RPAP3: variants seen among roughly 807,000 people sequenced by gnomAD.
The protein encoded by RPAP3 is RNA polymerase II-associated protein 3.
RPAP3 carries 58 observed loss-of-function variants against 88.8 expected under a neutral mutation model. That is an observed-to-expected ratio of 0.65 (90% CI 0.53 to 0.81). The LOEUF (loss-of-function observed/expected upper bound fraction) is 0.81. Among genes scored for constraint, RPAP3 ranks in the 40% least tolerant of loss-of-function variants. The pLI, the probability that RPAP3 is intolerant of heterozygous loss-of-function variation, is 0.00. For missense variants in RPAP3, 751 were observed against 764.3 expected, an observed-to-expected ratio of 0.98 and a Z score of 0.20; for synonymous variants, 255 against 259.9, an observed-to-expected ratio of 0.98 and a Z score of 0.18.
chr12:47,686,725 C>G, intron 9 of RPAP3, 55 bp downstream of exon 9: 1 of 1,337,260 alleles, frequency 7.5e-7, no homozygotes, highest in African/African-American at 1.5e-5. Context: ...TAAAAATTTA[C>G]CAATTTATTG....
chr12:47,690,579 C>T lies in RPAP3; in HGVS notation c.606G>A (p.Lys202=), dbSNP rs776478652. 1 of 1,601,110 alleles carries T rather than the reference C, an allele frequency of 6.2e-7. No individual in the cohort carries two copies. The highest frequency in any genetic ancestry group is 8.5e-7 in the Non-Finnish European group (1 of 1,172,880). The change falls in exon 6 of 17, where the codon AAG becomes AAA. Residue 202 remains lysine, a synonymous_variant. Coordinates refer to ENST00000005386, the MANE Select transcript of RPAP3 (RefSeq NM_024604.3). ...GAGCAGCACCTCGTCTGGAATAAGC[C>T]TTTGTATAACTTCTATTCAAGGCAA... ...LAVALNRSYT[K]AYSRRGAARF...
At chr12:47,700,290 A>G (rs1193814372) in intron 3 of RPAP3, 3 of 152,172 alleles carry the variant, frequency 2.0e-5, no homozygotes, top group African/African-American at 7.2e-5. Context: ...GACAGTGGTT[A>G]CCTCTGGGAG....
rs201603359 is a variant in RPAP3, at chr12:47,663,584, C to A, written c.1919G>T (p.Arg640Leu). The stretch of plus-strand genomic sequence containing the variant: ...CTTGTCTATGTGATTAAATAATGCA[C>A]GTGCAACTGAAAAAGAAAAAGAAAT... Reference protein sequence around the residue: ...FMSETEKKIARALFNHIDKSG... With the variant: ...FMSETEKKIALALFNHIDKSG... The change falls in exon 17 of 17, where the codon CGT (arginine) becomes CTT (leucine). Residue 640 changes from arginine (R) to leucine (L), a missense_variant. Arg to Leu is a moderately radical substitution (Grantham distance 102). Transcript: ENST00000005386. 1 of 1,531,796 alleles carries A rather than the reference C, an allele frequency of 6.5e-7. No homozygotes were observed. Among genetic ancestry groups the A allele is most frequent in the Non-Finnish European group, 8.8e-7 (1 of 1,136,428 alleles). The allele number at this position is 1,531,796 out of a possible 1,614,324, so 94.9% of individuals were successfully genotyped here. A position where few individuals can be genotyped will look rare whatever the true frequency, so the allele number is the denominator to read the frequency against.
chr12:47,702,580 G>T, intron 2 of RPAP3, 108 bp downstream of exon 2: 1 of 927,114 alleles, frequency 1.1e-6, no homozygotes, highest in Non-Finnish European at 1.6e-6. Context: ...AATTGACAGT[G>T]AAGCAAGTCA....
intron 6 of RPAP3, 36 bp from the exon 7 acceptor site, chr12:47,689,231 A>G (rs1309371921): frequency 4.7e-6 from 4 of 858,162 alleles, no homozygotes; most frequent in Non-Finnish European, 7.3e-6. Flanking sequence ...ATTTTTAAAG[A>G]TAGGTAATAT....
At chr12:47,687,703 C>T (rs1939351874) in intron 8 of RPAP3, among the ~76,000 whole-genome samples, 173 bp downstream of exon 8, 1 of 151,916 alleles carries the variant, frequency 6.6e-6, no homozygotes, top group Admixed American at 6.6e-5. Flanking sequence ...ATAAAGTCAT[C>T]AATTACCCAA....
At chr12:47,696,853 G>C (rs1035807507) in intron 4 of RPAP3, among the ~76,000 whole-genome samples, 4 of 152,144 alleles carry the variant, frequency 2.6e-5, no homozygotes, top group African/African-American at 9.7e-5. Flanking sequence ...TCAACAGTAA[G>C]CTATTAGTAG....
intron 9 of RPAP3, among the ~76,000 whole-genome samples, chr12:47,686,545 T>TACACATACACACACAC (rs57271770): frequency 0.073 from 10,533 of 145,268 alleles, 532 homozygotes; most frequent in East Asian, 0.22. Flanking sequence ...CACATACACA[T>TACACATACACACACAC]ACACACACAC....
At position 47,696,352 on chromosome 12, in the gene RPAP3, T is replaced by C. The variant is rs142330780; in HGVS notation, c.469A>G (p.Thr157Ala). ...GKYDEAIDCY[T>A]KGMDADPYNP... ...TATGGATCGGCATCCATGCCTTTTG[T>C]GTAGCAGTCAATTGCTTCATCATAT... Residue 157 changes from threonine (T) to alanine (A), a missense_variant, in exon 5 of 17, where the codon ACA becomes GCA. Physicochemically the swap from Thr to Ala is moderately conservative, Grantham distance 58. Coordinates refer to ENST00000005386, the MANE Select transcript of RPAP3 (RefSeq NM_024604.3). 3.6e-3 allele frequency: 5,832 copies of C among 1,602,544 alleles called. 18 individuals are homozygous for C. Among genetic ancestry groups the C allele is most frequent in the Non-Finnish European group, 4.0e-3 (4,735 of 1,173,326 alleles).
chr12:47,681,669 T>G (rs1251620624), intron 10 of RPAP3, 27 bp downstream of exon 10: 2 of 1,607,514 alleles, frequency 1.2e-6, no homozygotes, highest in Admixed American at 3.4e-5. Flanking sequence ...TCAGGATGAC[T>G]GAGTGCCAGC....
intron 2 of RPAP3, among the ~76,000 whole-genome samples, chr12:47,701,888 G>A (rs555085393): frequency 2.0e-5 from 3 of 152,110 alleles, no homozygotes; most frequent in African/African-American, 7.2e-5. Flanking sequence ...CTTCAAAAAC[G>A]ACCTATCTTC....
At chr12:47,695,165 G>A (rs887475449) in intron 5 of RPAP3, among the ~76,000 whole-genome samples, 14 of 151,748 alleles carry the variant, frequency 9.2e-5, no homozygotes, top group South Asian at 2.1e-4. Context: ...AGAAAGGAAC[G>A]AACCAACAAT....
At chr12:47,673,812 C>T (rs114999162) in intron 12 of RPAP3, among the ~76,000 whole-genome samples, 132 of 151,992 alleles carry the variant, frequency 8.7e-4, no homozygotes, top group African/African-American at 2.9e-3. Context: ...ATTTGTCTTG[C>T]GTACTTTTCT....
At chr12:47,664,337 C>G (rs1018450602) in intron 16 of RPAP3, among the ~76,000 whole-genome samples, 1 of 152,172 alleles carries the variant, frequency 6.6e-6, no homozygotes, top group African/African-American at 2.4e-5. Flanking sequence ...TTGCAGTGAG[C>G]TGAGATCGAG....
At chr12:47,673,896 C>A (rs1182541997) in intron 12 of RPAP3, among the ~76,000 whole-genome samples, 1 of 151,966 alleles carries the variant, frequency 6.6e-6, no homozygotes, top group Non-Finnish European at 1.5e-5. Flanking sequence ...AATAAAAATA[C>A]AAAGACATTT....
rs1939381520 is a variant in RPAP3, at chr12:47,689,212, A to G, written c.668-17T>C. 8.8e-7 allele frequency: 1 copy of G among 1,140,794 alleles called. No individual in the cohort carries two copies. The allele number at this position is 1,140,794 out of a possible 1,614,324, so 70.7% of individuals were successfully genotyped here. ...TTTCATAATCTAAGTAAAAGAGAAG[A>G]TAAAAAAAATTTTTAAAGATAGGTA... is the stretch of plus-strand genomic sequence containing the variant. On this transcript the variant is annotated splice_polypyrimidine_tract_variant and intron_variant, in intron 6 of 16. Coordinates refer to ENST00000005386, the MANE Select transcript of RPAP3 (RefSeq NM_024604.3).
At chr12:47,693,390 G>C (rs1939465188) in intron 5 of RPAP3, among the ~76,000 whole-genome samples, 1 of 152,094 alleles carries the variant, frequency 6.6e-6, no homozygotes, top group Non-Finnish European at 1.5e-5. Flanking sequence ...CACCATAACA[G>C]ATACAATTAT....
chr12:47,696,540 T>C lies in RPAP3; in HGVS notation c.418-137A>G, dbSNP rs145113611. ...TTTCAATAGAAGTCTACACCAAGTGTGCCTGCCTCCCCTTCCACCTTTTCC... is the reference window on the plus strand; with the variant it reads ...TTTCAATAGAAGTCTACACCAAGTGCGCCTGCCTCCCCTTCCACCTTTTCC... On this transcript the variant is annotated intron_variant, in intron 4 of 16. Transcript: ENST00000005386. The C allele has an allele frequency of 1.1e-3, 623 of 555,214 alleles. 12 individuals carry two copies. The East Asian group carries it at 0.02, about 18-fold the overall frequency. The allele number at this position is 555,214 out of a possible 1,614,324, so 34.4% of individuals were successfully genotyped here. A position where few individuals can be genotyped will look rare whatever the true frequency, so the allele number is the denominator to read the frequency against.
rs1939280928 is a variant in RPAP3, at chr12:47,684,272, C to G, written c.993-2455G>C. The stretch of plus-strand genomic sequence containing the variant: ...AATTTAGACTATCACCTCCAGAAAG[C>G]ACATTCTCTAGGAATCCCGGTTGGC... On this transcript the variant is annotated intron_variant, in intron 9 of 16. Transcript: ENST00000005386. Among the ~76,000 whole-genome samples the G allele has an allele frequency of 2.0e-5, 3 of 152,218 alleles. No individual in the cohort carries two copies. In the South Asian group the frequency reaches 6.2e-4, roughly 31 times the overall value.
Sources: gnomAD v4.1 joint callset for allele counts (sites outside exome capture counted in the v4.1 genomes callset) on GRCh38, gnomAD v4.1.1 for gene constraint, MANE v1.5 for transcripts, NCBI Gene and HGNC (gene_info 2026-07-23, HGNC 2026-07-21) for gene names.